Variants in GNAT1 observed in about 807,000 individuals in gnomAD.
GNAT1 encodes guanine nucleotide-binding protein G(t) subunit alpha-1.
In GNAT1, 36 loss-of-function variants were observed where a neutral mutation model predicts 40.0. That is an observed-to-expected ratio of 0.90 (90% CI 0.69 to 1.19). GNAT1 has a LOEUF of 1.19. Among genes scored for constraint, GNAT1 ranks in the 50% most tolerant of loss-of-function variants. GNAT1 has a pLI of 0.00. For synonymous variants in GNAT1, 195 were observed against 192.9 expected, an observed-to-expected ratio of 1.01 and a Z score of -0.09; for missense variants, 413 against 480.6, an observed-to-expected ratio of 0.86 and a Z score of 1.32.
In GNAT1 at chr3:50,191,691, C is replaced by A; in HGVS notation, c.-35C>A. The stretch of plus-strand genomic sequence containing the variant: ...GATCCCCTCCATCCAGAAGAACCAC[C>A]TGCTCACTCTGTCCCTTCGCCTGCT... On this transcript the variant is annotated 5_prime_UTR_variant, in exon 1 of 9. The change creates a new upstream start codon in the 5' untranslated region. Transcript: ENST00000232461. 6.7e-7 allele frequency: 1 copy of A among 1,487,070 alleles called. No homozygotes were observed. The highest frequency in any genetic ancestry group is 9.4e-7 in the Non-Finnish European group (1 of 1,064,254). The allele number at this position is 1,487,070 out of a possible 1,614,324, so 92.1% of individuals were successfully genotyped here.
chr3:50,191,959 G>A, intron 1 of GNAT1, 128 bp downstream of exon 1: 2 of 686,156 alleles, frequency 2.9e-6, no homozygotes, highest in East Asian at 2.8e-5. Context: ...AGGGCACAGG[G>A]TGGGAGCCCT....
Position 50,193,176 on chromosome 3 carries a change from G to A in GNAT1, c.149+1G>A, listed in dbSNP as rs951812811. On this transcript the variant is annotated splice_donor_variant, in intron 2 of 8. Transcript: ENST00000232461. LOFTEE classifies it high-confidence loss of function. This position sits in a 1 kb window ranked among gnomAD's most constrained non-coding sequence, Gnocchi z 8.1. ...AGAGCACCATCGTCAAGCAGATGAA[G>A]TGAGTGCCCCTGCCTGTCCCGAGGC... The A allele has an allele frequency of 1.9e-6, 3 of 1,613,940 alleles. No homozygotes were observed. Among genetic ancestry groups the A allele is most frequent in the African/African-American group, 2.7e-5 (2 of 74,922 alleles).
Position 50,193,796 on chromosome 3 carries a change from C to T in GNAT1, c.493C>T (p.Pro165Ser), listed in dbSNP as rs768908387. Residue 165 changes from proline to serine, a missense_variant, in exon 5 of 9, where the codon CCC (proline) becomes TCC (serine). Coordinates refer to ENST00000232461, the MANE Select transcript of GNAT1 (RefSeq NM_144499.3). This position sits in a 1 kb window ranked among gnomAD's most constrained non-coding sequence, Gnocchi z 8.1. ...LERLVTPGYV[P>S]TEQDVLRSRV... ...GCGCCTGGTAACCCCGGGCTACGTG[C>T]CCACCGAGCAGGACGTGCTGCGCTC... 3 of 1,612,842 alleles carry T rather than the reference C, an allele frequency of 1.9e-6. No homozygotes were observed. Among genetic ancestry groups the T allele is most frequent in the Non-Finnish European group, 2.5e-6 (3 of 1,179,858 alleles).
At position 50,193,851 on chromosome 3, in the gene GNAT1, C is replaced by T. The variant is rs375795574; in HGVS notation, c.548C>T (p.Thr183Met). The T allele has an allele frequency of 2.5e-5, 40 of 1,613,296 alleles. No homozygotes were observed. Among genetic ancestry groups the T allele is most frequent in the Non-Finnish European group, 3.3e-5 (39 of 1,179,920 alleles). ...GTCAAGACCACTGGCATCATCGAGACGCAGTTCTCCTTCAAGGATCTCAAC... is the reference window on the plus strand; with the variant it reads ...GTCAAGACCACTGGCATCATCGAGATGCAGTTCTCCTTCAAGGATCTCAAC... ...SRVKTTGIIETQFSFKDLNFR... is the reference protein window; with the variant it reads ...SRVKTTGIIEMQFSFKDLNFR... Residue 183 changes from threonine (T) to methionine (M), a missense_variant, in exon 5 of 9, where the codon ACG becomes ATG. Thr to Met is a moderately conservative substitution (Grantham distance 81). Transcript: ENST00000232461. The surrounding 1 kb of genome is among the most constrained non-coding windows in gnomAD (Gnocchi z 8.1).
In GNAT1 at chr3:50,194,850, T is replaced by C. The variant is rs376830581; in HGVS notation, c.948T>C (p.Tyr316=). ...TGCGGCGCGACGTGAAGGAGATCTA[T>C]TCCCACATGACGTGCGCCACCGACA... ...LNMRRDVKEI[Y]SHMTCATDTQ... Residue 316 remains tyrosine, a synonymous_variant, in exon 8 of 9, where the codon TAT becomes TAC. Transcript: ENST00000232461. This position sits in a 1 kb window ranked among gnomAD's most constrained non-coding sequence, Gnocchi z 6.1. 11 of 1,613,846 alleles carry C rather than the reference T, an allele frequency of 6.8e-6. No individual in the cohort carries two copies. The highest frequency in any genetic ancestry group is 9.3e-6 in the Non-Finnish European group (11 of 1,179,890).
Position 50,191,620 on chromosome 3 carries a change from A to T in GNAT1, c.-106A>T. 1 of 809,246 alleles carries T rather than the reference A, an allele frequency of 1.2e-6. No individual in the cohort carries two copies. Among genetic ancestry groups the T allele is most frequent in the Non-Finnish European group, 2.2e-6 (1 of 461,326 alleles). The allele number at this position is 809,246 out of a possible 1,614,324, so 50.1% of individuals were successfully genotyped here. A position where few individuals can be genotyped will look rare whatever the true frequency, so the allele number is the denominator to read the frequency against. ...GGTCCGTAGAGAGCCAGTTGATTGC[A>T]GGTCCTCCTGGGGCCAGAAGGGTGC... On this transcript the variant is annotated 5_prime_UTR_variant, in exon 1 of 9. Transcript: ENST00000232461.
chr3:50,193,408 T>G lies in GNAT1; in HGVS notation c.291+2T>G. 1.2e-6 allele frequency: 2 copies of G among 1,613,896 alleles called. No homozygotes were observed. The highest frequency in any genetic ancestry group is 4.5e-5 in the East Asian group (2 of 44,876). On this transcript the variant is annotated splice_donor_variant, in intron 3 of 8. Transcript: ENST00000232461. LOFTEE classifies it high-confidence loss of function. This position sits in a 1 kb window ranked among gnomAD's most constrained non-coding sequence, Gnocchi z 8.1. The stretch of plus-strand genomic sequence containing the variant: ...CAGTACGGAGACTCTGCACGCCAGG[T>G]GTGCCAGGAGGCGGGCTGAGCGGGC...
At position 50,193,896 on chromosome 3, in the gene GNAT1, C is replaced by G; in HGVS notation, c.578+15C>G. 6.2e-7 allele frequency: 1 copy of G among 1,613,250 alleles called. No homozygotes were observed. Reference sequence around the variant, plus strand: ...CTCAACTTCCGGTACGACCCATACGCTAGCCCAGGAGGTCACTGCCCCAGG... The same window carrying G: ...CTCAACTTCCGGTACGACCCATACGGTAGCCCAGGAGGTCACTGCCCCAGG... On this transcript the variant is annotated intron_variant, in intron 5 of 8. Coordinates refer to ENST00000232461, the MANE Select transcript of GNAT1 (RefSeq NM_144499.3). The surrounding 1 kb of genome is among the most constrained non-coding windows in gnomAD (Gnocchi z 8.1).
Position 50,194,242 on chromosome 3 carries a change from G to C in GNAT1, c.708+21G>C, listed in dbSNP as rs758396547. The C allele has an allele frequency of 6.3e-7, 1 of 1,593,290 alleles. No individual in the cohort carries two copies. The highest frequency in any genetic ancestry group is 1.1e-5 in the South Asian group (1 of 88,948). ...AAGTGGTGCGTGCCAGGCAGGGCCTGTGTTCCAGGGGGGCGAGGAGGAGCT... is the reference window on the plus strand; with the variant it reads ...AAGTGGTGCGTGCCAGGCAGGGCCTCTGTTCCAGGGGGGCGAGGAGGAGCT... On this transcript the variant is annotated intron_variant, in intron 6 of 8. Transcript: ENST00000232461. The surrounding 1 kb of genome is among the most constrained non-coding windows in gnomAD (Gnocchi z 6.1).
Position 50,191,830 on chromosome 3 carries a change from G to T in GNAT1, c.105G>T (p.Leu35=). The T allele has an allele frequency of 6.2e-7, 1 of 1,605,422 alleles. No homozygotes were observed. The highest frequency in any genetic ancestry group is 1.1e-5 in the South Asian group (1 of 90,838). Residue 35 remains leucine, a splice_region_variant and synonymous_variant, in exon 1 of 9, where the codon CTG becomes CTT. Transcript: ENST00000232461. ...CTCGAACCGTGAAGCTGCTGCTTCT[G>T]GGTAGGGGTGTGGGCCCAGGTGGGG... ...KDARTVKLLL[L]GAGESGKSTI...
chr3:50,191,902 T>A (rs2109137569), intron 1 of GNAT1, 71 bp downstream of exon 1: 1 of 995,634 alleles, frequency 1.0e-6, no homozygotes, highest in Admixed American at 1.9e-5. Context: ...GCAGCCCTTC[T>A]GTGAAGCAAG....
rs1206889626 is a variant in GNAT1 at position 50,196,799 on chromosome 3, C to A, written c.*1533C>A. ...TGGCAGGGACCGTAGTGTCTACCAG[C>A]CCCAGAAACATGGGCTTATGGCCAC... On this transcript the variant is annotated 3_prime_UTR_variant, in exon 9 of 9. Coordinates refer to ENST00000232461, the MANE Select transcript of GNAT1 (RefSeq NM_144499.3). 2.0e-5 allele frequency among the ~76,000 whole-genome samples: 3 copies of A among 152,112 alleles called. No homozygotes were observed. Among genetic ancestry groups the A allele is most frequent in the African/African-American group, 7.2e-5 (3 of 41,388 alleles).
In GNAT1 at chr3:50,195,283, C is replaced by G. The variant is rs978435874; in HGVS notation, c.*17C>G. 4.8e-6 allele frequency: 2 copies of G among 414,264 alleles called. No homozygotes were observed. Among genetic ancestry groups the G allele is most frequent in the African/African-American group, 4.1e-5 (2 of 49,116 alleles). The allele number at this position is 414,264 out of a possible 1,614,324, so 25.7% of individuals were successfully genotyped here. Reference sequence around the variant, plus strand: ...CTTTTCACAGGTGCCTGAATTCATGCGTGTCAGTCACCCTGAGACCTGGTA... The same window carrying G: ...CTTTTCACAGGTGCCTGAATTCATGGGTGTCAGTCACCCTGAGACCTGGTA... On this transcript the variant is annotated 3_prime_UTR_variant, in exon 9 of 9. Coordinates refer to ENST00000232461, the MANE Select transcript of GNAT1 (RefSeq NM_144499.3).
chr3:50,194,500 G>C lies in GNAT1; in HGVS notation c.709-1G>C. On this transcript the variant is annotated splice_acceptor_variant, in intron 6 of 8. Transcript: ENST00000232461. LOFTEE classifies it high-confidence loss of function. This position sits in a 1 kb window ranked among gnomAD's most constrained non-coding sequence, Gnocchi z 6.1. Reference sequence around the variant, plus strand: ...TGCCCAACAGCTGCTGCCCTCCTCAGAACCGCATGCACGAGAGCCTGCACC... The same window carrying C: ...TGCCCAACAGCTGCTGCCCTCCTCACAACCGCATGCACGAGAGCCTGCACC... 6.2e-7 allele frequency: 1 copy of C among 1,613,244 alleles called. No individual in the cohort carries two copies. Among genetic ancestry groups the C allele is most frequent in the Non-Finnish European group, 8.5e-7 (1 of 1,179,804 alleles).
In GNAT1 at chr3:50,193,021, C is replaced by T. The variant is rs1284573188; in HGVS notation, c.107-112C>T. ...TACGGGGTCGGGGCTGGCGCTCAGG[C>T]CTCTTCGCTGCGGGTCCACCCTGCC... On this transcript the variant is annotated intron_variant, in intron 1 of 8. Transcript: ENST00000232461. This position sits in a 1 kb window ranked among gnomAD's most constrained non-coding sequence, Gnocchi z 8.1. 1.9e-6 allele frequency: 2 copies of T among 1,058,548 alleles called. No individual in the cohort carries two copies. The highest frequency in any genetic ancestry group is 2.6e-5 in the East Asian group (1 of 38,904). 65.6% of individuals were successfully genotyped at this position (1,058,548 alleles called of 1,614,324 possible).
Position 50,191,806 on chromosome 3 carries a change from T to C in GNAT1, c.81T>C (p.Ala27=), listed in dbSNP as rs201912686. ...KKLKEDAEKD[A]RTVKLLLLGA... is the part of the protein sequence containing the mutation. ...TGAAAGAGGACGCTGAGAAGGATGC[T>C]CGAACCGTGAAGCTGCTGCTTCTGG... Residue 27 remains alanine, a synonymous_variant, in exon 1 of 9, where the codon GCT becomes GCC. Coordinates refer to ENST00000232461, the MANE Select transcript of GNAT1 (RefSeq NM_144499.3). The C allele has an allele frequency of 6.2e-7, 1 of 1,613,500 alleles. No homozygotes were observed. Among genetic ancestry groups the C allele is most frequent in the East Asian group, 2.2e-5 (1 of 44,864 alleles).
At position 50,194,666 on chromosome 3, in the gene GNAT1, G is replaced by T. The variant is rs748420483; in HGVS notation, c.862+12G>T. 3 of 1,612,190 alleles carry T rather than the reference G, an allele frequency of 1.9e-6. No homozygotes were observed. Among genetic ancestry groups the T allele is most frequent in the East Asian group, 2.2e-5 (1 of 44,870 alleles). ...CCCGGACTACGATGGTGAGAAGTCC[G>T]CAAGGCCGCCAGGCGGCGCCCCCGC... On this transcript the variant is annotated intron_variant, in intron 7 of 8. Coordinates refer to ENST00000232461, the MANE Select transcript of GNAT1 (RefSeq NM_144499.3). This position sits in a 1 kb window ranked among gnomAD's most constrained non-coding sequence, Gnocchi z 6.1.
rs538795841 is a variant in GNAT1, at chr3:50,194,151, G to T, written c.638G>T (p.Gly213Val). ...ERKKWIHCFE[G>V]VTCIIFIAAL... Reference sequence around the variant, plus strand: ...AAGAAGTGGATCCACTGCTTCGAGGGCGTGACCTGCATCATCTTCATCGCG... The same window carrying T: ...AAGAAGTGGATCCACTGCTTCGAGGTCGTGACCTGCATCATCTTCATCGCG... The change falls in exon 6 of 9, where the codon GGC becomes GTC. Residue 213 changes from glycine (G) to valine (V), a missense_variant. Physicochemically the swap from Gly to Val is moderately radical, Grantham distance 109 (BLOSUM62 -3). Coordinates refer to ENST00000232461, the MANE Select transcript of GNAT1 (RefSeq NM_144499.3). The surrounding 1 kb of genome is among the most constrained non-coding windows in gnomAD (Gnocchi z 6.1). 1.2e-5 allele frequency: 19 copies of T among 1,614,026 alleles called. No individual in the cohort carries two copies. Among genetic ancestry groups the T allele is most frequent in the Non-Finnish European group, 1.6e-5 (19 of 1,179,906 alleles).
rs202170742 is a variant in GNAT1, at chr3:50,194,888, A to C, written c.986A>C (p.Lys329Thr). The part of the protein sequence containing the change: ...MTCATDTQNV[K>T]FVFDAVTDII... ...TGCGCCACCGACACGCAGAACGTCA[A>C]ATTTGTCTTCGACGCTGTCACCGAC... Residue 329 changes from lysine (K) to threonine (T), a missense_variant, in exon 8 of 9, where the codon AAA becomes ACA. Lys to Thr is a moderately conservative substitution (Grantham distance 78, BLOSUM62 -1). Transcript: ENST00000232461. This position sits in a 1 kb window ranked among gnomAD's most constrained non-coding sequence, Gnocchi z 6.1. 5.1e-5 allele frequency: 83 copies of C among 1,613,842 alleles called. No homozygotes were observed. Among genetic ancestry groups the C allele is most frequent in the Admixed American group, 1.7e-4 (10 of 60,002 alleles).
Sources: gnomAD v4.1 joint callset for allele counts (sites outside exome capture counted in the v4.1 genomes callset) on GRCh38, gnomAD v4.1.1 for gene constraint, Gnocchi (gnomAD v3.1) non-coding constraint, MANE v1.5 for transcripts, NCBI Gene and HGNC (gene_info 2026-07-23, HGNC 2026-07-21) for gene names.